The following PGAP2 variants were observed in gnomAD, a reference collection of about 807,000 sequenced individuals.
PGAP2 encodes the protein acyltransferase PGAP2.
A neutral mutation model predicts 33.2 loss-of-function variants in PGAP2; 21 were observed. The ratio of observed to expected loss-of-function variants is 0.63; its 90% CI spans 0.45 to 0.91. The LOEUF (loss-of-function observed/expected upper bound fraction) is 0.91, where lower values mean the gene tolerates loss of function less well. Among genes scored for constraint, PGAP2 ranks in the 40% least tolerant of loss-of-function variants. The pLI is 0.00. For missense variants in PGAP2, 345 were observed against 424.0 expected (o/e 0.81, Z 1.64); for synonymous variants, 161 against 172.9 (o/e 0.93, Z 0.54).
intron 1 of PGAP2, among the ~76,000 whole-genome samples, chr11:3,802,076 C>CTTTTTTTT (rs3061897): frequency 1.5e-3 from 205 of 137,122 alleles, no homozygotes; most frequent in African/African-American, 5.1e-3. Context: ...TTTCCTTTTC[C>CTTTTTTTT]TTTTTTTTTT....
intron 3 of PGAP2, among the ~76,000 whole-genome samples, chr11:3,823,194 C>T (rs1262971375): frequency 6.6e-6 from 1 of 151,740 alleles, no homozygotes; most frequent in Non-Finnish European, 1.5e-5. Context: ...GGCCACCACG[C>T]CTGGCTAATT....
At position 3,810,665 on chromosome 11, in the gene PGAP2, G is replaced by C. The variant is rs368829782; in HGVS notation, c.-10-585G>C. Among the ~76,000 whole-genome samples the C allele has an allele frequency of 2.8e-4, 42 of 152,360 alleles. No individual in the cohort carries two copies. In the South Asian group the frequency reaches 8.7e-3, roughly 32 times the overall value. On this transcript the variant is annotated intron_variant, in intron 1 of 6. Transcript: ENST00000278243. ...CACCCTGGGGGCACGTGAGGGAGCAGGCTGGGACAAGCAGGGGGCTTGGGG... is the reference window on the plus strand; with the variant it reads ...CACCCTGGGGGCACGTGAGGGAGCACGCTGGGACAAGCAGGGGGCTTGGGG...
At chr11:3,809,847 A>G (rs1469731991) in intron 1 of PGAP2, among the ~76,000 whole-genome samples, 1 of 152,138 alleles carries the variant, frequency 6.6e-6, no homozygotes, top group Non-Finnish European at 1.5e-5. Flanking sequence ...CTGGGGGAAA[A>G]TGGGTGAGAA....
chr11:3,815,448 A>C (rs1252785315), intron 2 of PGAP2, among the ~76,000 whole-genome samples: 1 of 152,036 alleles, frequency 6.6e-6, no homozygotes, highest in African/African-American at 2.4e-5. Context: ...AGCTGGGATT[A>C]CAGGCACACC....
At chr11:3,814,808 CTT>C (rs1565012931) in intron 2 of PGAP2, among the ~76,000 whole-genome samples, 3 of 121,800 alleles carry the variant, frequency 2.5e-5, no homozygotes, top group African/African-American at 9.0e-5. Flanking sequence ...TTCTTTCTTT[CTT>C]TCTCTTTCTT....
upstream of PGAP2, among the ~76,000 whole-genome samples, chr11:3,805,229 C>G (rs1260598490): frequency 1.3e-5 from 2 of 150,916 alleles, no homozygotes; most frequent in Non-Finnish European, 1.5e-5. Context: ...TACATTACCT[C>G]TAATACAACA....
At chr11:3,800,026 C>T (rs749205437) in intron 1 of PGAP2, among the ~76,000 whole-genome samples, 7 of 152,082 alleles carry the variant, frequency 4.6e-5, no homozygotes, top group Non-Finnish European at 8.8e-5. Context: ...GGAAGAAACA[C>T]GGTACATTGT....
chr11:3,824,906 C>G lies in PGAP2; in HGVS notation c.709-114C>G, dbSNP rs189709621. The G allele has an allele frequency of 1.8e-5, 27 of 1,525,620 alleles. 1 individual carries two copies. In the South Asian group the frequency reaches 3.1e-4, roughly 18 times the overall value. 94.5% of individuals were successfully genotyped at this position (1,525,620 alleles called of 1,614,324 possible). ...CCCTGCCTGTGCTCCCTTCCATGAC[C>G]GCTAGTGGGAGCCAAGGGAGATAAG... On this transcript the variant is annotated intron_variant, in intron 5 of 6. Transcript: ENST00000278243.
At chr11:3,800,485 T>C (rs1325221800) in intron 1 of PGAP2, among the ~76,000 whole-genome samples, 1 of 152,212 alleles carries the variant, frequency 6.6e-6, no homozygotes, top group Non-Finnish European at 1.5e-5. Context: ...TTTAAATTTA[T>C]TTATTAATTT....
chr11:3,805,914 T>A (rs1484119740), upstream of PGAP2, among the ~76,000 whole-genome samples: 1 of 151,240 alleles, frequency 6.6e-6, no homozygotes, highest in Non-Finnish European at 1.5e-5. Flanking sequence ...CTCGATCTCT[T>A]GACCTTGTGA....
At position 3,817,306 on chromosome 11, in the gene PGAP2, C is replaced by T. The variant is rs370992370; in HGVS notation, c.166-47C>T. 975 of 1,509,472 alleles carry T rather than the reference C, an allele frequency of 6.5e-4. 2 individuals carry two copies. The highest frequency in any genetic ancestry group is 8.4e-4 in the Non-Finnish European group (932 of 1,104,522). The allele number at this position is 1,509,472 out of a possible 1,614,324, so 93.5% of individuals were successfully genotyped here. A position where few individuals can be genotyped will look rare whatever the true frequency, so the allele number is the denominator to read the frequency against. ...CTGGAAAAGGCCCCACTTTCCCAGA[C>T]CCAGGTGTCCTACCAGGCCCCAAGT... On this transcript the variant is annotated intron_variant, in intron 2 of 6. Transcript: ENST00000278243.
rs138777258 is a variant in PGAP2, at chr11:3,813,940, A to G, written c.165+2516A>G. ...TGGGCATACCAGTTAGGGAATTAAG[A>G]TATAGATAGTTGCTGGAGTACTTGG... On this transcript the variant is annotated intron_variant, in intron 2 of 6. Coordinates refer to ENST00000278243, the MANE Select transcript of PGAP2 (RefSeq NM_014489.4). Among the ~76,000 whole-genome samples the G allele has an allele frequency of 2.5e-4, 38 of 152,276 alleles. No individual in the cohort carries two copies. The East Asian group carries it at 7.3e-3, about 29-fold the overall frequency.
Position 3,826,189 on chromosome 11 carries a change from A to G in PGAP2, c.*731A>G, listed in dbSNP as rs2089993984. ...TTCTCTTCTGAAAGTTCTGGCTTGT[A>G]GACCCCTCCCCTCCTTTGCAAAGGT... is the stretch of plus-strand genomic sequence containing the variant. On this transcript the variant is annotated 3_prime_UTR_variant, in exon 7 of 7. Transcript: ENST00000278243. 1 of 152,350 alleles carries G rather than the reference A, an allele frequency of 6.6e-6. No individual in the cohort carries two copies. Among genetic ancestry groups the G allele is most frequent in the Non-Finnish European group, 1.5e-5 (1 of 68,146 alleles). 9.4% of individuals were successfully genotyped at this position (152,350 alleles called of 1,614,324 possible).
chr11:3,825,747 C>A lies in PGAP2; in HGVS notation c.*289C>A. On this transcript the variant is annotated 3_prime_UTR_variant, in exon 7 of 7. Coordinates refer to ENST00000278243, the MANE Select transcript of PGAP2 (RefSeq NM_014489.4). The stretch of plus-strand genomic sequence containing the variant: ...CTAAAAAAAAAAACGTCCTGAGGTT[C>A]ATGACCACCATCCAGTTTCTGGCCT... The A allele has an allele frequency of 2.5e-5, 7 of 284,926 alleles. No homozygotes were observed. Among genetic ancestry groups the A allele is most frequent in the South Asian group, 9.9e-5 (2 of 20,106 alleles). The allele number at this position is 284,926 out of a possible 1,614,324, so 17.6% of individuals were successfully genotyped here. A position where few individuals can be genotyped will look rare whatever the true frequency, so the allele number is the denominator to read the frequency against.
intron 3 of PGAP2, among the ~76,000 whole-genome samples, chr11:3,818,676 G>C (rs777107468): frequency 3.3e-5 from 5 of 152,228 alleles, no homozygotes; most frequent in Non-Finnish European, 7.3e-5. Flanking sequence ...CAGTCCACTA[G>C]GCCTTTCCTG....
intron 5 of PGAP2, 34 bp downstream of exon 5, chr11:3,824,410 G>C (rs759163344): frequency 1.2e-6 from 2 of 1,614,114 alleles, no homozygotes; most frequent in African/African-American, 1.3e-5. Context: ...CTCCAAGGCA[G>C]CCCAGAAGAA....
chr11:3,810,683 G>C (rs533842073), intron 1 of PGAP2, among the ~76,000 whole-genome samples: 1 of 152,322 alleles, frequency 6.6e-6, no homozygotes, highest in Non-Finnish European at 1.5e-5. Flanking sequence ...CAAGCAGGGG[G>C]CTTGGGGTTC....
At chr11:3,815,917 G>T (rs1230636419) in intron 2 of PGAP2, among the ~76,000 whole-genome samples, 1 of 152,050 alleles carries the variant, frequency 6.6e-6, no homozygotes, top group Non-Finnish European at 1.5e-5. Flanking sequence ...ACAAAAAACG[G>T]CCAGACCCCT....
At chr11:3,799,825 GGT>G (rs1415086474) in intron 1 of PGAP2, among the ~76,000 whole-genome samples, 1 of 152,148 alleles carries the variant, frequency 6.6e-6, no homozygotes, top group Non-Finnish European at 1.5e-5. Context: ...ACCAAGGCCA[GGT>G]GTGGTGGCAA....
Sources: allele counts gnomAD v4.1 joint callset (sites outside exome capture counted in the v4.1 genomes callset), GRCh38; gene constraint gnomAD v4.1.1; transcripts MANE v1.5; gene names NCBI Gene and HGNC (gene_info 2026-07-23, HGNC 2026-07-21).